PHLDB2: variants seen among roughly 807,000 people sequenced by gnomAD.
PHLDB2 encodes the protein pleckstrin homology like domain family B member 2.
PHLDB2 carries 71 observed loss-of-function variants against 123.6 expected under a neutral mutation model. The observed-to-expected ratio is 0.57, with a 90% confidence interval of 0.47 to 0.70. The LOEUF (loss-of-function observed/expected upper bound fraction) is 0.70, where lower values mean the gene tolerates loss of function less well. Among genes scored for constraint, PHLDB2 ranks in the 30% least tolerant of loss-of-function variants. PHLDB2 has a pLI of 0.00. For synonymous variants in PHLDB2, 547 were observed against 541.6 expected (o/e 1.01, Z -0.14); for missense variants, 1,446 against 1,519.5 (o/e 0.95, Z 0.80).
chr3:111,846,212 C>A, intron 2 of PHLDB2: 1 of 328,228 alleles, frequency 3.0e-6, no homozygotes, highest in Non-Finnish European at 5.9e-6. Flanking sequence ...GAGGTCTTTC[C>A]CAGTGACTCA....
chr3:111,948,245 C>G (rs1312707401), intron 9 of PHLDB2, among the ~76,000 whole-genome samples: 1 of 150,350 alleles, frequency 6.7e-6, no homozygotes, highest in East Asian at 2.0e-4. Context: ...CCTTAGGACT[C>G]CGTGTGTGTG....
chr3:111,880,317 G>A (rs2065873899), intron 1 of PHLDB2, among the ~76,000 whole-genome samples: 1 of 152,138 alleles, frequency 6.6e-6, no homozygotes, highest in Admixed American at 6.6e-5. Context: ...ATGTTTGGGG[G>A]CAAGTAGACC....
rs148809965 is a variant in PHLDB2, at chr3:111,920,340, T to C, written c.1922T>C (p.Met641Thr). ...GEQKSETTEL[M>T]KEKEILDHLN... is the part of the protein sequence containing the mutation. The stretch of plus-strand genomic sequence containing the variant: ...CAGAAATCTGAAACAACTGAACTTA[T>C]GAAGGAGAAGGAGATTTTGGATCAT... The change falls in exon 5 of 18, where the codon ATG becomes ACG. Residue 641 changes from methionine to threonine, a missense_variant. By Grantham distance (81) the Met-to-Thr change is moderately conservative. Around this residue, in one of 3 missense-constraint regions of PHLDB2, gnomAD observed 832 missense variants for 831.9 expected, o/e 1.00. Transcript: ENST00000431670. The C allele has an allele frequency of 2.6e-5, 42 of 1,613,960 alleles. No homozygotes were observed. The highest frequency in any genetic ancestry group is 1.6e-4 in the Middle Eastern group (1 of 6,084).
chr3:111,853,030 G>C (rs2064327189), intron 2 of PHLDB2, among the ~76,000 whole-genome samples: 1 of 152,078 alleles, frequency 6.6e-6, no homozygotes. Context: ...AGGTTAAAAA[G>C]TTATTTTCAC....
chr3:111,938,943 G>T (rs2069685658), intron 6 of PHLDB2, among the ~76,000 whole-genome samples: 1 of 152,082 alleles, frequency 6.6e-6, no homozygotes, highest in South Asian at 2.1e-4. Context: ...AAGTAGCTGG[G>T]ACTACAGGTG....
chr3:111,790,734 C>A (rs756837691), intron 1 of PHLDB2, among the ~76,000 whole-genome samples: 8 of 152,114 alleles, frequency 5.3e-5, no homozygotes, highest in Non-Finnish European at 1.2e-4. Context: ...CAGCCTCCAA[C>A]CTAAACAGTG....
Position 111,953,946 on chromosome 3 carries a change from G to A in PHLDB2, c.2789G>A (p.Gly930Glu), listed in dbSNP as rs757796090. The change falls in exon 12 of 18, where the codon GGA becomes GAA. Residue 930 changes from glycine to glutamate, a missense_variant. Transcript: ENST00000431670. ...TTCCCGCAGGCCCATCTGCCCCTAG[G>A]ACAGAGTAACAGCTGTGGAAGTGTG... The part of the protein sequence containing the change: ...SITPKAHLPL[G>E]QSNSCGSVLP... 1 of 1,613,576 alleles carries A rather than the reference G, an allele frequency of 6.2e-7. No individual in the cohort carries two copies. The highest frequency in any genetic ancestry group is 1.3e-5 in the African/African-American group (1 of 74,900).
At chr3:111,901,427 T>C (rs2067197740) in intron 2 of PHLDB2, among the ~76,000 whole-genome samples, 1 of 152,140 alleles carries the variant, frequency 6.6e-6, no homozygotes, top group Non-Finnish European at 1.5e-5. Flanking sequence ...TGTATTATAG[T>C]ACTTTCAGTT....
At chr3:111,936,487 A>G (rs2069499730) in intron 6 of PHLDB2, among the ~76,000 whole-genome samples, 1 of 152,176 alleles carries the variant, frequency 6.6e-6, no homozygotes, top group Admixed American at 6.5e-5. Context: ...TTTGTTTAAG[A>G]TGTAAGTTTA....
intron 1 of PHLDB2, among the ~76,000 whole-genome samples, chr3:111,779,599 T>C (rs1370819694): frequency 6.6e-6 from 1 of 152,140 alleles, no homozygotes; most frequent in Non-Finnish European, 1.5e-5. Flanking sequence ...TTCTTTTTTA[T>C]GGCTGCATAG....
chr3:111,932,829 A>G (rs1193924942), intron 6 of PHLDB2, among the ~76,000 whole-genome samples: 2 of 152,096 alleles, frequency 1.3e-5, no homozygotes, highest in East Asian at 1.9e-4. Flanking sequence ...TTTGCTCCCC[A>G]CCAGCAGCTA....
intron 1 of PHLDB2, among the ~76,000 whole-genome samples, chr3:111,810,718 C>G (rs760953908): frequency 6.6e-6 from 1 of 152,170 alleles, no homozygotes; most frequent in African/African-American, 2.4e-5. Context: ...GCAACCCACA[C>G]AGACTATCCC....
intron 1 of PHLDB2, among the ~76,000 whole-genome samples, chr3:111,829,305 T>G (rs2062816922): frequency 6.6e-6 from 1 of 151,562 alleles, no homozygotes; most frequent in African/African-American, 2.4e-5. Flanking sequence ...GAAAAACAAC[T>G]CAAACTAGCC....
At chr3:111,938,948 C>A (rs2069686157) in intron 6 of PHLDB2, among the ~76,000 whole-genome samples, 1 of 152,158 alleles carries the variant, frequency 6.6e-6, no homozygotes, top group Non-Finnish European at 1.5e-5. Context: ...GCTGGGACTA[C>A]AGGTGCCCAC....
chr3:111,853,797 C>G (rs1195957927), intron 2 of PHLDB2, among the ~76,000 whole-genome samples: 1 of 151,992 alleles, frequency 6.6e-6, no homozygotes, highest in Admixed American at 6.6e-5. Context: ...ATCGCTTAAA[C>G]CCAGTAGGCA....
At chr3:111,960,598 A>T (rs1378835357) in intron 12 of PHLDB2, among the ~76,000 whole-genome samples, 1 of 152,220 alleles carries the variant, frequency 6.6e-6, no homozygotes. Context: ...GGAAATGTTT[A>T]ATCAATAGCT....
rs2071449937 is a variant in PHLDB2 at position 111,962,241 on chromosome 3, T to C, written c.3006T>C (p.Asp1002=). 2 of 1,580,122 alleles carry C rather than the reference T, an allele frequency of 1.3e-6. No homozygotes were observed. The highest frequency in any genetic ancestry group is 1.7e-6 in the Non-Finnish European group (2 of 1,170,910). ...PDHSYKDQAF[D]TLSLDSSDSM... is the part of the protein sequence containing the mutation. ...ACAGCTACAAGGACCAGGCCTTTGATACTCTGAGCCTCGATAGCTCTGATA... is the reference window on the plus strand; with the variant it reads ...ACAGCTACAAGGACCAGGCCTTTGACACTCTGAGCCTCGATAGCTCTGATA... The change falls in exon 13 of 18, where the codon GAT becomes GAC. Residue 1002 remains aspartate (D), a synonymous_variant. Transcript: ENST00000431670.
intron 1 of PHLDB2, among the ~76,000 whole-genome samples, chr3:111,756,476 C>T (rs1342126283): frequency 2.6e-5 from 4 of 152,058 alleles, no homozygotes; most frequent in Non-Finnish European, 4.4e-5. Flanking sequence ...GCAACCCCTG[C>T]CTTTTTTTGT....
chr3:111,733,114 T>G (rs1399507698), intron 1 of PHLDB2, among the ~76,000 whole-genome samples: 1 of 152,218 alleles, frequency 6.6e-6, no homozygotes, highest in Non-Finnish European at 1.5e-5. Flanking sequence ...TAGTATATGG[T>G]ATAGAATAAT....
Sources: allele counts gnomAD v4.1 joint callset (sites outside exome capture counted in the v4.1 genomes callset), GRCh38; gene constraint gnomAD v4.1.1; regional missense constraint gnomAD v4.1.1; transcripts MANE v1.5; gene names NCBI Gene and HGNC (gene_info 2026-07-23, HGNC 2026-07-21).